PRR14L: variants seen among roughly 807,000 people sequenced by gnomAD.
The protein encoded by PRR14L is protein PRR14L.
In PRR14L, 80 loss-of-function variants were observed where a neutral mutation model predicts 155.0. The observed-to-expected ratio is 0.52, with a 90% CI of 0.43 to 0.62. PRR14L has a LOEUF of 0.62. Ranked by LOEUF, PRR14L falls within the 20% of genes least tolerant of loss-of-function variation. The pLI, the probability that PRR14L is intolerant of heterozygous loss-of-function variation, is 0.00. For synonymous variants in PRR14L, 883 were observed against 916.0 expected (o/e 0.96, Z 0.65); for missense variants, 2,469 against 2,548.0 (o/e 0.97, Z 0.67).
chr22:31,682,385 G>C lies in PRR14L; in HGVS notation c.*3142C>G, dbSNP rs1365425958. The C allele has an allele frequency of 7.1e-6, 1 of 140,478 alleles. No homozygotes were observed. Among genetic ancestry groups the C allele is most frequent in the African/African-American group, 3.0e-5 (1 of 33,624 alleles). 8.7% of individuals were successfully genotyped at this position (140,478 alleles called of 1,614,324 possible). A position where few individuals can be genotyped will look rare whatever the true frequency, so the allele number is the denominator to read the frequency against. ...TCTGGGCTCCTCAGGCTCCGAATAA[G>C]GCAAACGCTACATGTCTTCACCGTA... is the stretch of plus-strand genomic sequence containing the variant. On this transcript the variant is annotated 3_prime_UTR_variant, in exon 9 of 9. Transcript: ENST00000327423.
chr22:31,704,747 A>C (rs760383620), intron 4 of PRR14L, 21 bp from the exon 5 acceptor site: 8 of 1,602,828 alleles, frequency 5.0e-6, no homozygotes, highest in Non-Finnish European at 6.8e-6. Context: ...GCAAAAGTAC[A>C]AAAGCAATAG....
At chr22:31,697,070 A>G (rs1305249074) in intron 7 of PRR14L, among the ~76,000 whole-genome samples, 1 of 152,116 alleles carries the variant, frequency 6.6e-6, no homozygotes, top group Non-Finnish European at 1.5e-5. Flanking sequence ...AGCCGAGATC[A>G]TGCCATTGCA....
chr22:31,735,562 TTA>T (rs1355074491), intron 2 of PRR14L, among the ~76,000 whole-genome samples: 2 of 151,838 alleles, frequency 1.3e-5, no homozygotes, highest in Non-Finnish European at 2.9e-5. Context: ...TCATTATACT[TTA>T]TGTGTATTAC....
At chr22:31,732,193 A>G (rs1401282697) in intron 2 of PRR14L, among the ~76,000 whole-genome samples, 1 of 152,168 alleles carries the variant, frequency 6.6e-6, no homozygotes, top group Non-Finnish European at 1.5e-5. Flanking sequence ...TCTTGCATGG[A>G]AAGGACAACA....
intron 3 of PRR14L, among the ~76,000 whole-genome samples, chr22:31,720,709 T>C (rs933491682): frequency 2.0e-5 from 3 of 152,230 alleles, no homozygotes; most frequent in Non-Finnish European, 4.4e-5. Flanking sequence ...CACTGCAGCC[T>C]GGGCGACACA....
At position 31,713,901 on chromosome 22, in the gene PRR14L, T is replaced by TGA; in HGVS notation, c.3936_3937dup (p.His1313LeufsTer14). ...TCTGTCAGAGGAATTCTCGTGAGGG[T>TGA]GACAAGCTTTGCAAGCATTCTTTTC... On this transcript the variant is annotated frameshift_variant, in exon 4 of 9. Coordinates refer to ENST00000327423, the MANE Select transcript of PRR14L (RefSeq NM_173566.3). LOFTEE classifies it high-confidence loss of function. The TGA allele has an allele frequency of 6.4e-7, 1 of 1,551,924 alleles. No individual in the cohort carries two copies. Among genetic ancestry groups the TGA allele is most frequent in the Non-Finnish European group, 8.7e-7 (1 of 1,147,036 alleles).
At chr22:31,746,697 G>A (rs1053745601) in intron 1 of PRR14L, among the ~76,000 whole-genome samples, 4 of 151,870 alleles carry the variant, frequency 2.6e-5, no homozygotes, top group East Asian at 1.9e-4. Flanking sequence ...CAGGAAGTAT[G>A]AAAATTATTA....
chr22:31,712,664 T>C lies in PRR14L; in HGVS notation c.5175A>G (p.Ser1725=), dbSNP rs131223. The change falls in exon 4 of 9, where the codon TCA becomes TCG. Residue 1725 remains serine, a synonymous_variant. Coordinates refer to ENST00000327423, the MANE Select transcript of PRR14L (RefSeq NM_173566.3). ...EIFPVSFHVK[S]SSSDCTTESS... The stretch of plus-strand genomic sequence containing the variant: ...ACTCAGTCGTGCAATCTGAGCTGGA[T>C]GATTTCACATGAAAGGATACTGGGA... 6.2e-4 allele frequency: 965 copies of C among 1,551,740 alleles called. 4 individuals are homozygous for C. In the African/African-American group the frequency reaches 0.012, roughly 19 times the overall value.
intron 3 of PRR14L, among the ~76,000 whole-genome samples, chr22:31,724,293 T>A (rs1180861029): frequency 6.6e-6 from 1 of 152,212 alleles, no homozygotes; most frequent in Non-Finnish European, 1.5e-5. Flanking sequence ...ACTTGAATCA[T>A]CCTAAAAGCA....
rs2074464392 is a variant in PRR14L at position 31,683,338 on chromosome 22, A to T, written c.*2189T>A. 1 of 152,290 alleles carries T rather than the reference A, an allele frequency of 6.6e-6. No homozygotes were observed. Among genetic ancestry groups the T allele is most frequent in the South Asian group, 2.1e-4 (1 of 4,836 alleles). 9.4% of individuals were successfully genotyped at this position (152,290 alleles called of 1,614,324 possible). A position where few individuals can be genotyped will look rare whatever the true frequency, so the allele number is the denominator to read the frequency against. On this transcript the variant is annotated 3_prime_UTR_variant, in exon 9 of 9. Coordinates refer to ENST00000327423, the MANE Select transcript of PRR14L (RefSeq NM_173566.3). Reference sequence around the variant, plus strand: ...TCTATACTGGCAACAGAGCTGGCAAACAGGGCTCTGTTGACTCACTGCTAG... The same window carrying T: ...TCTATACTGGCAACAGAGCTGGCAATCAGGGCTCTGTTGACTCACTGCTAG...
chr22:31,713,239 G>C lies in PRR14L; in HGVS notation c.4600C>G (p.Gln1534Glu), dbSNP rs1263746099. Residue 1534 changes from glutamine (Q) to glutamate (E), a missense_variant, in exon 4 of 9, where the codon CAA becomes GAA. By Grantham distance (29) the Gln-to-Glu change is conservative. Around this residue, in one of 2 missense-constraint regions of PRR14L, gnomAD observed 2,363 missense variants for 2,371.6 expected, o/e 1.00. Coordinates refer to ENST00000327423, the MANE Select transcript of PRR14L (RefSeq NM_173566.3). Reference protein sequence around the residue: ...RTCKKVSYQEQIIVGRKIGKI... With the variant: ...RTCKKVSYQEEIIVGRKIGKI... ...CCTATTTTTCTCCCAACAATGATTT[G>C]CTCCTGATAGGAAACTTTCTTACAA... 3.2e-6 allele frequency: 5 copies of C among 1,551,872 alleles called. No homozygotes were observed. In the East Asian group the frequency reaches 9.8e-5, roughly 30 times the overall value.
intron 4 of PRR14L, among the ~76,000 whole-genome samples, chr22:31,710,302 G>T (rs1447988052): frequency 6.6e-6 from 1 of 152,056 alleles, no homozygotes; most frequent in Admixed American, 6.6e-5. Context: ...AATGAACAAG[G>T]CCCTCCTAAG....
At chr22:31,745,843 TA>T (rs755650797) in intron 1 of PRR14L, among the ~76,000 whole-genome samples, 9,192 of 133,514 alleles carry the variant, frequency 0.069, 436 homozygotes, top group Admixed American at 0.14. Flanking sequence ...AGACTCAGTT[TA>T]AAAAAAAAAA....
intron 4 of PRR14L, 107 bp downstream of exon 4, chr22:31,711,976 C>A: frequency 2.8e-6 from 3 of 1,063,068 alleles, no homozygotes; most frequent in Non-Finnish European, 4.1e-6. Context: ...AAATGCAGAC[C>A]CAAGAGGACT....
At chr22:31,709,249 T>C (rs558992549) in intron 4 of PRR14L, among the ~76,000 whole-genome samples, 1 of 147,766 alleles carries the variant, frequency 6.8e-6, no homozygotes, top group Admixed American at 6.7e-5. Context: ...GGCCTATTTG[T>C]TGTTGTTTTT....
At chr22:31,700,170 T>G (rs896700967) in intron 7 of PRR14L, among the ~76,000 whole-genome samples, 2 of 152,186 alleles carry the variant, frequency 1.3e-5, no homozygotes, top group African/African-American at 4.8e-5. Context: ...ACTCTATGAT[T>G]TTTTGGCATA....
At chr22:31,706,511 A>G (rs2074593065) in intron 4 of PRR14L, among the ~76,000 whole-genome samples, 2 of 148,066 alleles carry the variant, frequency 1.4e-5, no homozygotes, top group Admixed American at 1.4e-4. Context: ...TGCAACCTCT[A>G]CCTTGTGGGT....
At position 31,682,565 on chromosome 22, in the gene PRR14L, G is replaced by A. The variant is rs1431621971; in HGVS notation, c.*2962C>T. On this transcript the variant is annotated 3_prime_UTR_variant, in exon 9 of 9. Transcript: ENST00000327423. ...AGAGGAGGGAACGCGGAGGGAGAAG[G>A]CAAACACAGCTAGAAACTGAAAGAT... 6.6e-6 allele frequency: 1 copy of A among 151,970 alleles called. No homozygotes were observed. The highest frequency in any genetic ancestry group is 1.5e-5 in the Non-Finnish European group (1 of 68,020). The allele number at this position is 151,970 out of a possible 1,614,324, so 9.4% of individuals were successfully genotyped here.
At position 31,685,166 on chromosome 22, in the gene PRR14L, C is replaced by T. The variant is rs964934650; in HGVS notation, c.*361G>A. On this transcript the variant is annotated 3_prime_UTR_variant, in exon 9 of 9. Transcript: ENST00000327423. ...AAACAAAGCGGAACTTTCATATGGACGTGCAAATCCTGTGTGTCCTTGGAA... is the reference window on the plus strand; with the variant it reads ...AAACAAAGCGGAACTTTCATATGGATGTGCAAATCCTGTGTGTCCTTGGAA... The T allele has an allele frequency of 2.6e-5, 5 of 193,400 alleles. No homozygotes were observed. Among genetic ancestry groups the T allele is most frequent in the Admixed American group, 5.3e-5 (1 of 18,796 alleles). 12.0% of individuals were successfully genotyped at this position (193,400 alleles called of 1,614,324 possible).
Sources: allele counts gnomAD v4.1 joint callset (sites outside exome capture counted in the v4.1 genomes callset), GRCh38; gene constraint gnomAD v4.1.1; regional missense constraint gnomAD v4.1.1; transcripts MANE v1.5; gene names NCBI Gene and HGNC (gene_info 2026-07-23, HGNC 2026-07-21).